The following PRKG1 variants were observed in gnomAD, a reference collection of about 807,000 sequenced individuals.
The protein encoded by PRKG1 is protein kinase cGMP-dependent 1.
Under a neutral mutation model 88.1 loss-of-function variants are expected in PRKG1, and 35 were observed. The observed-to-expected ratio is 0.40, with a 90% CI of 0.30 to 0.53. The LOEUF (loss-of-function observed/expected upper bound fraction) is 0.53, where lower values mean the gene tolerates loss of function less well. PRKG1 is among the 20% of genes least tolerant of loss of function. PRKG1 has a pLI of 0.59. For synonymous variants in PRKG1, 303 were observed against 292.5 expected (o/e 1.04, Z -0.37); for missense variants, 540 against 839.8 (o/e 0.64, Z 4.41).
intron 9 of PRKG1, among the ~76,000 whole-genome samples, chr10:52,220,479 C>T (rs1840216882): frequency 6.6e-6 from 1 of 151,926 alleles, no homozygotes; most frequent in Non-Finnish European, 1.5e-5. Context: ...AAACTTGTGT[C>T]ATGGGGGTAT....
At chr10:51,819,841 T>A (rs1277198116) in intron 4 of PRKG1, among the ~76,000 whole-genome samples, 1 of 152,072 alleles carries the variant, frequency 6.6e-6, no homozygotes, top group Non-Finnish European at 1.5e-5. Context: ...TAGAGTAACA[T>A]TGTAGCTAAA....
chr10:52,127,432 T>C (rs951476422), intron 7 of PRKG1, among the ~76,000 whole-genome samples: 4 of 152,268 alleles, frequency 2.6e-5, no homozygotes, highest in East Asian at 3.9e-4. Flanking sequence ...CATAGTGTTA[T>C]GTGAGTTTTC....
intron 2 of PRKG1, among the ~76,000 whole-genome samples, chr10:51,425,545 TAG>T (rs1221093951): frequency 1.3e-5 from 2 of 152,298 alleles, no homozygotes; most frequent in East Asian, 3.9e-4. Context: ...TCTGATTTAA[TAG>T]AGGAGTTGCT....
chr10:51,530,959 T>C (rs1383297098), intron 3 of PRKG1, among the ~76,000 whole-genome samples: 1 of 152,144 alleles, frequency 6.6e-6, no homozygotes, highest in Non-Finnish European at 1.5e-5. Context: ...TAAATTTCTA[T>C]TTTCTGTCCT....
At chr10:51,488,546 A>C (rs1335996939) in intron 3 of PRKG1, among the ~76,000 whole-genome samples, 1 of 152,144 alleles carries the variant, frequency 6.6e-6, no homozygotes. Context: ...AGACTTTGAC[A>C]TCTATATTTA....
rs1193831600 is a variant in PRKG1, at chr10:51,488,678, A to T, written c.592+20842A>T. On this transcript the variant is annotated intron_variant, in intron 3 of 17. Coordinates refer to ENST00000373980, the MANE Select transcript of PRKG1 (RefSeq NM_006258.4). Reference sequence around the variant, plus strand: ...CAATACTAAGTAGAATGTGAACGCTATGTGGCATTAAAAATTTAAACACAC... The same window carrying T: ...CAATACTAAGTAGAATGTGAACGCTTTGTGGCATTAAAAATTTAAACACAC... 7.2e-5 allele frequency among the ~76,000 whole-genome samples: 11 copies of T among 152,274 alleles called. No homozygotes were observed. The South Asian group carries it at 2.3e-3, about 32-fold the overall frequency.
intron 1 of PRKG1, among the ~76,000 whole-genome samples, chr10:51,066,289 A>T (rs1294561151): frequency 6.6e-6 from 1 of 152,104 alleles, no homozygotes; most frequent in Non-Finnish European, 1.5e-5. Context: ...GTCTAATTTT[A>T]AAGGGAGGAA....
chr10:51,347,698 C>A (rs929225087), intron 2 of PRKG1, among the ~76,000 whole-genome samples: 1 of 152,024 alleles, frequency 6.6e-6, no homozygotes, highest in Non-Finnish European at 1.5e-5. Flanking sequence ...TTCTTGAAAT[C>A]GGTAAACATT....
chr10:51,946,059 T>G (rs1335841715), intron 5 of PRKG1, among the ~76,000 whole-genome samples: 1 of 152,042 alleles, frequency 6.6e-6, no homozygotes, highest in Non-Finnish European at 1.5e-5. Flanking sequence ...GTTTTCCAAC[T>G]TGGTTCCATT....
intron 9 of PRKG1, among the ~76,000 whole-genome samples, chr10:52,191,433 G>T (rs1020175535): frequency 1.3e-5 from 2 of 151,804 alleles, no homozygotes; most frequent in Admixed American, 1.3e-4. Flanking sequence ...CTCCCAAAGT[G>T]CTGGGATTAC....
chr10:51,423,243 C>T (rs1253001641), intron 2 of PRKG1, among the ~76,000 whole-genome samples: 1 of 152,184 alleles, frequency 6.6e-6, no homozygotes, highest in Non-Finnish European at 1.5e-5. Context: ...CCTAGCCTGA[C>T]CTGCAGTAGT....
At chr10:51,955,537 T>A (rs190721522) in intron 5 of PRKG1, among the ~76,000 whole-genome samples, 35 of 152,320 alleles carry the variant, frequency 2.3e-4, no homozygotes, top group African/African-American at 7.7e-4. Flanking sequence ...TTCAGCATAT[T>A]AAGTAGCACT....
At chr10:51,060,020 T>A (rs1843676315) in intron 1 of PRKG1, among the ~76,000 whole-genome samples, 1 of 152,174 alleles carries the variant, frequency 6.6e-6, no homozygotes, top group African/African-American at 2.4e-5. Flanking sequence ...TTTAGAATTA[T>A]AATTACTTTC....
intron 1 of PRKG1, among the ~76,000 whole-genome samples, chr10:51,134,305 C>G (rs900118729): frequency 6.6e-6 from 1 of 152,174 alleles, no homozygotes; most frequent in Non-Finnish European, 1.5e-5. Context: ...TTACTTCAGG[C>G]AACCTGTATT....
intron 9 of PRKG1, among the ~76,000 whole-genome samples, chr10:52,176,173 CTTTTTTTTTTT>C (rs140722137): frequency 8.4e-5 from 8 of 95,674 alleles, no homozygotes; most frequent in Non-Finnish European, 8.1e-5. Flanking sequence ...TTCTTTTTCT[CTTTTTTTTTTT>C]TTTTTTTTTT....
rs138394682 is a variant in PRKG1, at chr10:51,767,113, C to T, written c.593-37472C>T. On this transcript the variant is annotated intron_variant, in intron 3 of 17. Coordinates refer to ENST00000373980, the MANE Select transcript of PRKG1 (RefSeq NM_006258.4). ...ACTTCCTTTAAATGGTTCTCACTAACTGCAATGTAATCAAAATCCTTCAGG... is the reference window on the plus strand; with the variant it reads ...ACTTCCTTTAAATGGTTCTCACTAATTGCAATGTAATCAAAATCCTTCAGG... Among the ~76,000 whole-genome samples, 493 of 152,286 alleles carry T rather than the reference C, an allele frequency of 3.2e-3. 2 individuals carry two copies. The highest frequency in any genetic ancestry group is 5.3e-3 in the Admixed American group (81 of 15,294).
intron 5 of PRKG1, among the ~76,000 whole-genome samples, chr10:51,972,237 T>G (rs1307478060): frequency 6.6e-6 from 1 of 152,222 alleles, no homozygotes; most frequent in Admixed American, 6.5e-5. Context: ...CTTTTGCATT[T>G]ACTTTTTGCA....
At chr10:51,648,877 T>A (rs1457382300) in intron 3 of PRKG1, among the ~76,000 whole-genome samples, 1 of 152,174 alleles carries the variant, frequency 6.6e-6, no homozygotes, top group Non-Finnish European at 1.5e-5. Context: ...TATTTTTTCA[T>A]CATGTTTGCA....
At position 51,175,608 on chromosome 10, in the gene PRKG1, C is replaced by G. The variant is rs537995400; in HGVS notation, c.478+22278C>G. Among the ~76,000 whole-genome samples the G allele has an allele frequency of 2.7e-4, 41 of 152,122 alleles. No individual in the cohort carries two copies. The South Asian group carries it at 8.3e-3, about 31-fold the overall frequency. On this transcript the variant is annotated intron_variant, in intron 2 of 17. Transcript: ENST00000373980. ...AAGGCCAGAGTCAACACCATTTCCT[C>G]CATAAAATTCCTGAGATATATATTT...
Sources: gnomAD v4.1 joint callset for allele counts (sites outside exome capture counted in the v4.1 genomes callset) on GRCh38, gnomAD v4.1.1 for gene constraint, MANE v1.5 for transcripts, NCBI Gene and HGNC (gene_info 2026-07-23, HGNC 2026-07-21) for gene names.